Variants in FER observed in about 807,000 individuals in gnomAD.
FER encodes FER tyrosine kinase.
A neutral mutation model predicts 111.0 loss-of-function variants in FER; 63 were observed. The observed-to-expected ratio is 0.57, with a 90% CI of 0.46 to 0.70. The LOEUF is 0.70. FER is among the 30% of genes least tolerant of loss of function. The pLI, the probability that FER is intolerant of heterozygous loss-of-function variation, is 0.00. For synonymous variants in FER, 327 were observed against 313.9 expected (o/e 1.04, Z -0.44); for missense variants, 914 against 954.0 (o/e 0.96, Z 0.55).
intron 10 of FER, among the ~76,000 whole-genome samples, chr5:108,905,833 A>G (rs1358466029): frequency 1.3e-5 from 2 of 152,198 alleles, no homozygotes; most frequent in Admixed American, 6.5e-5. Context: ...ATGTAACTCA[A>G]TTTTTAAAAT....
chr5:108,922,088 T>G (rs542428592), intron 10 of FER, among the ~76,000 whole-genome samples: 1 of 152,248 alleles, frequency 6.6e-6, no homozygotes, highest in Admixed American at 6.5e-5. Context: ...GATATTGGAA[T>G]TATGCTATCA....
chr5:108,820,582 A>G (rs1758731206), intron 3 of FER: 1 of 975,354 alleles, frequency 1.0e-6, no homozygotes, highest in Non-Finnish European at 1.2e-6. Context: ...ACTTAGATTT[A>G]CCTTTTTAAT....
At chr5:108,880,952 C>G (rs1027711312) in intron 8 of FER, among the ~76,000 whole-genome samples, 1 of 151,940 alleles carries the variant, frequency 6.6e-6, no homozygotes, top group South Asian at 2.1e-4. Context: ...TCTCTTATTT[C>G]TATTACCTAT....
In FER at chr5:108,984,733, G is replaced by A. The variant is rs538308400; in HGVS notation, c.1656+25386G>A. Among the ~76,000 whole-genome samples, 43 of 152,006 alleles carry A rather than the reference G, an allele frequency of 2.8e-4. 1 individual carries two copies. The highest frequency in any genetic ancestry group is 6.8e-3 in the Middle Eastern group (2 of 294). On this transcript the variant is annotated intron_variant, in intron 13 of 19. Transcript: ENST00000281092. Reference sequence around the variant, plus strand: ...AGTACGTGGGGAAACTGTAACAAAGGCTATATCAAAAATCAATTGGAAAGG... The same window carrying A: ...AGTACGTGGGGAAACTGTAACAAAGACTATATCAAAAATCAATTGGAAAGG...
At chr5:108,840,601 A>T (rs899505202) in intron 5 of FER, among the ~76,000 whole-genome samples, 87 of 151,778 alleles carry the variant, frequency 5.7e-4, no homozygotes, top group African/African-American at 1.9e-3. Flanking sequence ...CATTCTCATG[A>T]CTACTGTTTA....
intron 14 of FER, among the ~76,000 whole-genome samples, chr5:109,038,513 C>A (rs538126793): frequency 6.6e-6 from 1 of 151,954 alleles, no homozygotes; most frequent in South Asian, 2.1e-4. Context: ...GGATTCTTAT[C>A]ATTTATGATT....
rs555096168 is a variant in FER at position 109,011,932 on chromosome 5, T to C, written c.1657-25490T>C. 1.7e-4 allele frequency among the ~76,000 whole-genome samples: 26 copies of C among 152,372 alleles called. 1 individual carries two copies. Among genetic ancestry groups the C allele is most frequent in the African/African-American group, 2.9e-4 (12 of 41,586 alleles). ...TTCTGACAGCCACTATGAACACTCATGCGTCAGTTACTTTGCTCATGCTGT... is the reference window on the plus strand; with the variant it reads ...TTCTGACAGCCACTATGAACACTCACGCGTCAGTTACTTTGCTCATGCTGT... On this transcript the variant is annotated intron_variant, in intron 13 of 19. Transcript: ENST00000281092.
intron 13 of FER, among the ~76,000 whole-genome samples, chr5:108,959,851 G>A (rs1758916778): frequency 6.6e-6 from 1 of 152,090 alleles, no homozygotes; most frequent in Admixed American, 6.5e-5. Flanking sequence ...ATAAGAGATT[G>A]TCTTAGGTCA....
At chr5:109,003,072 A>T (rs966110863) in intron 13 of FER, among the ~76,000 whole-genome samples, 2 of 152,160 alleles carry the variant, frequency 1.3e-5, no homozygotes, top group African/African-American at 4.8e-5. Flanking sequence ...TTCCTCAGGG[A>T]TCTAGAACTA....
chr5:108,887,817 A>C (rs577916868), intron 9 of FER, among the ~76,000 whole-genome samples: 1 of 151,952 alleles, frequency 6.6e-6, no homozygotes, highest in Admixed American at 6.6e-5. Context: ...TTTGTATTAG[A>C]AAAAAGTTAT....
intron 17 of FER, among the ~76,000 whole-genome samples, chr5:109,167,175 T>C (rs1395466646): frequency 6.6e-6 from 1 of 152,160 alleles, no homozygotes; most frequent in Admixed American, 6.6e-5. Context: ...ATGAGTAAGA[T>C]CTCAATAAAT....
chr5:108,821,538 C>T (rs550451239), intron 3 of FER, among the ~76,000 whole-genome samples: 72 of 152,152 alleles, frequency 4.7e-4, no homozygotes, highest in African/African-American at 1.7e-3. Context: ...GGTAGTCTTG[C>T]CTTTTTCATG....
intron 6 of FER, among the ~76,000 whole-genome samples, chr5:108,870,226 T>A (rs769783663): frequency 4.6e-5 from 7 of 152,150 alleles, no homozygotes; most frequent in Non-Finnish European, 8.8e-5. Context: ...TCACCACAGA[T>A]GAATCTCATG....
intron 17 of FER, among the ~76,000 whole-genome samples, chr5:109,159,252 C>T (rs979190636): frequency 6.6e-6 from 1 of 152,058 alleles, no homozygotes; most frequent in Admixed American, 6.6e-5. Flanking sequence ...GTTCTAAAAA[C>T]CCTACTCTTC....
In FER at chr5:108,997,770, G is replaced by T. The variant is rs540681404; in HGVS notation, c.1656+38423G>T. On this transcript the variant is annotated intron_variant, in intron 13 of 19. Transcript: ENST00000281092. Reference sequence around the variant, plus strand: ...CAGGTGCTCTGTTTCATGAAGATGGGGGTTTTATCTATAAGTTCCTGACTG... The same window carrying T: ...CAGGTGCTCTGTTTCATGAAGATGGTGGTTTTATCTATAAGTTCCTGACTG... Among the ~76,000 whole-genome samples the T allele has an allele frequency of 2.0e-5, 3 of 152,186 alleles. No individual in the cohort carries two copies. The East Asian group carries it at 5.8e-4, about 29-fold the overall frequency.
chr5:108,902,780 C>T (rs1273898862), intron 10 of FER, among the ~76,000 whole-genome samples: 2 of 152,048 alleles, frequency 1.3e-5, no homozygotes, highest in Admixed American at 6.6e-5. Flanking sequence ...TCAATTCTAG[C>T]TCTTTGGGGT....
chr5:108,755,065 T>G (rs566906219), intron 1 of FER, among the ~76,000 whole-genome samples: 14 of 152,288 alleles, frequency 9.2e-5, no homozygotes, highest in Non-Finnish European at 1.9e-4. Flanking sequence ...GTTTAAGTGA[T>G]CCCTTCAGAC....
At position 108,798,144 on chromosome 5, in the gene FER, T is replaced by C. The variant is rs1398216879; in HGVS notation, c.-39T>C. 1 of 1,493,538 alleles carries C rather than the reference T, an allele frequency of 6.7e-7. No homozygotes were observed. Among genetic ancestry groups the C allele is most frequent in the Non-Finnish European group, 9.3e-7 (1 of 1,072,262 alleles). The allele number at this position is 1,493,538 out of a possible 1,614,324, so 92.5% of individuals were successfully genotyped here. ...CACAGATATGTGCTGATTAGAAGGC[T>C]CACTTGTGCAGTGTGGAGGATAACC... On this transcript the variant is annotated 5_prime_UTR_variant, in exon 3 of 20. Transcript: ENST00000281092.
chr5:109,101,522 C>T (rs182449100), intron 17 of FER, among the ~76,000 whole-genome samples: 2 of 152,002 alleles, frequency 1.3e-5, no homozygotes, highest in Non-Finnish European at 2.9e-5. Context: ...TCCCCATGCT[C>T]ACCCCAAATT....
Sources: allele counts gnomAD v4.1 joint callset (sites outside exome capture counted in the v4.1 genomes callset), GRCh38; gene constraint gnomAD v4.1.1; transcripts MANE v1.5; gene names NCBI Gene and HGNC (gene_info 2026-07-23, HGNC 2026-07-21).